SND1: variants seen among roughly 807,000 people sequenced by gnomAD.
SND1 encodes staphylococcal nuclease and tudor domain containing 1.
Under a neutral mutation model 121.7 loss-of-function variants are expected in SND1, and 38 were observed. That is an observed-to-expected ratio of 0.31 (90% CI 0.24 to 0.41). SND1 has a LOEUF of 0.41. SND1 is among the 10% of genes least tolerant of loss of function. The pLI, the probability that SND1 is intolerant of heterozygous loss-of-function variation, is 1.00. For missense variants in SND1, 868 were observed against 1,184.6 expected (o/e 0.73, Z 3.92); for synonymous variants, 401 against 447.4 (o/e 0.90, Z 1.31).
chr7:128,031,468 G>A (rs1409099290), intron 16 of SND1: 2 of 151,776 alleles, frequency 1.3e-5, no homozygotes, highest in East Asian at 1.9e-4. Context: ...GAGTTAAGAG[G>A]AGGTGTTCGC....
intron 14 of SND1, among the ~76,000 whole-genome samples, chr7:127,905,055 CTT>C (rs1298554218): frequency 6.6e-6 from 1 of 152,082 alleles, no homozygotes; most frequent in East Asian, 1.9e-4. Flanking sequence ...TTCTATGTTG[CTT>C]TTTCATTTTT....
At chr7:127,694,113 T>C (rs1795968908) in intron 2 of SND1, among the ~76,000 whole-genome samples, 2 of 152,194 alleles carry the variant, frequency 1.3e-5, no homozygotes, top group South Asian at 4.1e-4. Flanking sequence ...CCCAAGGATG[T>C]TGGGACCTGT....
At chr7:128,079,579 A>G (rs7800110) in intron 17 of SND1, among the ~76,000 whole-genome samples, 8,372 of 152,306 alleles carry the variant, frequency 0.055, 626 homozygotes, top group African/African-American at 0.17. Context: ...AGGATGGTGG[A>G]AAGCTTGGGC....
intron 15 of SND1, among the ~76,000 whole-genome samples, chr7:127,952,982 G>A (rs1801496721): frequency 1.3e-5 from 2 of 152,064 alleles, no homozygotes; most frequent in Non-Finnish European, 2.9e-5. Flanking sequence ...TGGCCATATA[G>A]TGAGACCCCC....
intron 18 of SND1, among the ~76,000 whole-genome samples, chr7:128,083,246 G>T (rs1793635674): frequency 2.0e-5 from 3 of 152,238 alleles, no homozygotes; most frequent in Admixed American, 2.0e-4. Context: ...AGAGGGCTTT[G>T]CCTGTTGGCA....
At chr7:128,053,853 G>A (rs779912163) in intron 16 of SND1, among the ~76,000 whole-genome samples, 16 of 152,180 alleles carry the variant, frequency 1.1e-4, no homozygotes, top group South Asian at 2.1e-4. Context: ...CACTCTCCAC[G>A]CTGTCCTACT....
chr7:128,008,445 G>A (rs532266680), intron 16 of SND1, among the ~76,000 whole-genome samples: 30 of 151,752 alleles, frequency 2.0e-4, no homozygotes, highest in African/African-American at 6.8e-4. Flanking sequence ...ACTCTTACAG[G>A]TTGGGGGCTT....
At chr7:127,801,881 G>T (rs193117503) in intron 10 of SND1, among the ~76,000 whole-genome samples, 1,920 of 151,970 alleles carry the variant, frequency 0.013, 16 homozygotes, top group Non-Finnish European at 0.021. Flanking sequence ...TTGCTCTGTC[G>T]CCCCCGCTGG....
intron 9 of SND1, among the ~76,000 whole-genome samples, chr7:127,712,157 A>C (rs1164923282): frequency 1.3e-5 from 2 of 151,970 alleles, no homozygotes; most frequent in African/African-American, 4.8e-5. Flanking sequence ...TAGGGTATAC[A>C]TATTTGCTTG....
intron 12 of SND1, among the ~76,000 whole-genome samples, chr7:127,850,486 G>A (rs572582381): frequency 6.6e-6 from 1 of 152,278 alleles, no homozygotes; most frequent in East Asian, 1.9e-4. Context: ...TGGCTCTGCC[G>A]GGAGGTAGGG....
intron 11 of SND1, among the ~76,000 whole-genome samples, chr7:127,837,027 A>C (rs890371871): frequency 6.6e-6 from 1 of 152,244 alleles, no homozygotes; most frequent in Non-Finnish European, 1.5e-5. Flanking sequence ...ATCTAGTCAG[A>C]TAATAGATTT....
intron 11 of SND1, among the ~76,000 whole-genome samples, chr7:127,814,791 G>T (rs930430270): frequency 1.3e-5 from 2 of 152,238 alleles, no homozygotes; most frequent in East Asian, 1.9e-4. Context: ...TTTCCCAAGG[G>T]TATAAACAGT....
chr7:127,973,737 G>T (rs1802053788), intron 15 of SND1, among the ~76,000 whole-genome samples: 1 of 152,212 alleles, frequency 6.6e-6, no homozygotes, highest in Admixed American at 6.5e-5. Flanking sequence ...AATGACCTGT[G>T]TGGATTCTTG....
chr7:128,090,185 T>C (rs1345333861), intron 22 of SND1, among the ~76,000 whole-genome samples: 2 of 152,194 alleles, frequency 1.3e-5, no homozygotes, highest in African/African-American at 4.8e-5. Context: ...CTGCCTCCAC[T>C]GTTCTGAGAG....
chr7:127,885,779 C>A (rs189335577), intron 12 of SND1, among the ~76,000 whole-genome samples: 1 of 152,200 alleles, frequency 6.6e-6, no homozygotes, highest in Non-Finnish European at 1.5e-5. Context: ...CTCCTCCAAA[C>A]CCCATGTATT....
intron 14 of SND1, among the ~76,000 whole-genome samples, chr7:127,927,817 G>A (rs1398415652): frequency 6.6e-6 from 1 of 152,142 alleles, no homozygotes; most frequent in Non-Finnish European, 1.5e-5. Flanking sequence ...TATCTAATGT[G>A]CATTAATTTA....
intron 1 of SND1, among the ~76,000 whole-genome samples, chr7:127,673,820 G>C (rs1029741710): frequency 1.3e-5 from 2 of 152,082 alleles, no homozygotes; most frequent in Non-Finnish European, 2.9e-5. Flanking sequence ...GCTCTTGTAA[G>C]CTGGTTCTTA....
intron 10 of SND1, among the ~76,000 whole-genome samples, chr7:127,734,516 G>A (rs1431659532): frequency 6.6e-6 from 1 of 152,222 alleles, no homozygotes; most frequent in Non-Finnish European, 1.5e-5. Context: ...AAAGGATGCA[G>A]GTTAAAGAAC....
chr7:127,984,097 A>G (rs1489304533), intron 15 of SND1, among the ~76,000 whole-genome samples: 2 of 151,972 alleles, frequency 1.3e-5, no homozygotes, highest in Non-Finnish European at 2.9e-5. Flanking sequence ...CCCCTGAGTC[A>G]TTTTCCCCTG....
Sources: gnomAD v4.1 joint callset for allele counts (sites outside exome capture counted in the v4.1 genomes callset) on GRCh38, gnomAD v4.1.1 for gene constraint, MANE v1.5 for transcripts, NCBI Gene and HGNC (gene_info 2026-07-23, HGNC 2026-07-21) for gene names.